Variants in HNF4G observed in about 807,000 individuals in gnomAD.
HNF4G encodes hepatocyte nuclear factor 4 gamma, also known as hepatocyte nuclear factor 4-gamma.
Under a neutral mutation model 50.9 loss-of-function variants are expected in HNF4G, and 21 were observed. The ratio of observed to expected loss-of-function variants is 0.41; its 90% CI spans 0.29 to 0.59. HNF4G has a LOEUF of 0.59. HNF4G is among the 20% of genes least tolerant of loss of function. The probability of loss-of-function intolerance (pLI) is 0.26; values close to 1 mark genes in which losing one functional copy is unlikely to be tolerated. For synonymous variants in HNF4G, 198 were observed against 185.6 expected (o/e 1.07, Z -0.54); for missense variants, 527 against 559.4 (o/e 0.94, Z 0.58).
At position 75,556,067 on chromosome 8, in the gene HNF4G, T is replaced by G. The variant is rs1288519288; in HGVS notation, c.731T>G (p.Leu244Trp). The change falls in exon 6 of 10, where the codon TTG becomes TGG. Residue 244 changes from leucine to tryptophan, a missense_variant and splice_region_variant. Physicochemically the swap from Leu to Trp is moderately conservative, Grantham distance 61. Coordinates refer to ENST00000396423, the MANE Select transcript of HNF4G (RefSeq NM_004133.5). ...ATGATGTATAAAGATATTTTGCTTT[T>G]GGGTAAGTTTTTTTTTTTTAATTTA... is the stretch of plus-strand genomic sequence containing the variant. Reference protein sequence around the residue: ...RSMMYKDILLLGNNYVIHRNS... With the variant: ...RSMMYKDILLWGNNYVIHRNS... 3 of 1,473,562 alleles carry G rather than the reference T, an allele frequency of 2.0e-6. No homozygotes were observed. The highest frequency in any genetic ancestry group is 2.3e-5 in the East Asian group (1 of 43,548). The allele number at this position is 1,473,562 out of a possible 1,614,324, so 91.3% of individuals were successfully genotyped here. A position where few individuals can be genotyped will look rare whatever the true frequency, so the allele number is the denominator to read the frequency against.
At chr8:75,543,049 A>G (rs1254231396) in intron 1 of HNF4G, among the ~76,000 whole-genome samples, 1 of 152,070 alleles carries the variant, frequency 6.6e-6, no homozygotes, top group Non-Finnish European at 1.5e-5. Context: ...TCTACTAAAA[A>G]TACAAAAATA....
intron 1 of HNF4G, among the ~76,000 whole-genome samples, chr8:75,437,494 G>A (rs899991199): frequency 6.6e-6 from 1 of 152,142 alleles, no homozygotes; most frequent in Non-Finnish European, 1.5e-5. Flanking sequence ...ATATGTCGGG[G>A]CAAGGGGCCT....
At chr8:75,408,821 G>T (rs1415537703) in intron 1 of HNF4G, among the ~76,000 whole-genome samples, 1 of 152,220 alleles carries the variant, frequency 6.6e-6, no homozygotes, top group Admixed American at 6.5e-5. Context: ...AGAGAATACA[G>T]AATCCAGAAG....
intron 2 of HNF4G, among the ~76,000 whole-genome samples, chr8:75,493,548 T>TA (rs532214865): frequency 6.6e-6 from 1 of 152,010 alleles, no homozygotes. Context: ...TTGGAAAAGT[T>TA]AAAAAAAATT....
intron 1 of HNF4G, among the ~76,000 whole-genome samples, chr8:75,472,594 A>G (rs1423836160): frequency 6.6e-6 from 1 of 152,216 alleles, no homozygotes; most frequent in African/African-American, 2.4e-5. Context: ...AATATGTATA[A>G]TCAGATTCAT....
upstream of HNF4G, among the ~76,000 whole-genome samples, chr8:75,536,045 G>A (rs760758723): frequency 1.3e-5 from 2 of 151,794 alleles, no homozygotes; most frequent in Admixed American, 6.6e-5. Flanking sequence ...TACAAATAAT[G>A]TTGTCATTCT....
At chr8:75,493,671 AGT>A (rs1243777788) in intron 2 of HNF4G, among the ~76,000 whole-genome samples, 4 of 152,138 alleles carry the variant, frequency 2.6e-5, no homozygotes, top group African/African-American at 9.6e-5. Flanking sequence ...TTTTTACAAT[AGT>A]GTTTTAAAAT....
At chr8:75,551,829 G>A (rs58744180) in intron 4 of HNF4G, among the ~76,000 whole-genome samples, 1 of 152,164 alleles carries the variant, frequency 6.6e-6, no homozygotes. Flanking sequence ...TGTACAACCA[G>A]CTACCACAAC....
At chr8:75,446,988 A>G (rs1290330227) in intron 1 of HNF4G, among the ~76,000 whole-genome samples, 2 of 146,122 alleles carry the variant, frequency 1.4e-5, no homozygotes, top group East Asian at 4.1e-4. Flanking sequence ...ATCCTAAGCC[A>G]AAAGAACAAA....
intron 1 of HNF4G, among the ~76,000 whole-genome samples, chr8:75,479,554 C>T (rs907024709): frequency 6.8e-6 from 1 of 147,198 alleles, no homozygotes; most frequent in South Asian, 2.1e-4. Context: ...ATATCATTAA[C>T]AAGATTCTAT....
chr8:75,557,365 A>C (rs1807159229), intron 6 of HNF4G, among the ~76,000 whole-genome samples: 1 of 152,188 alleles, frequency 6.6e-6, no homozygotes, highest in Non-Finnish European at 1.5e-5. Flanking sequence ...CATGCCTGTA[A>C]TCCCAGCACT....
chr8:75,477,833 G>T (rs1438788132), intron 1 of HNF4G, among the ~76,000 whole-genome samples: 1 of 152,086 alleles, frequency 6.6e-6, no homozygotes, highest in African/African-American at 2.4e-5. Flanking sequence ...CGGATGTGGT[G>T]GCACATGCCT....
intron 1 of HNF4G, among the ~76,000 whole-genome samples, chr8:75,427,462 A>C (rs966608685): frequency 1.3e-5 from 2 of 151,954 alleles, no homozygotes; most frequent in African/African-American, 4.8e-5. Context: ...CTGTAGTCCC[A>C]GCTACTTGGG....
chr8:75,441,569 A>G (rs1340556374), intron 1 of HNF4G, among the ~76,000 whole-genome samples: 1 of 152,206 alleles, frequency 6.6e-6, no homozygotes, highest in Non-Finnish European at 1.5e-5. Context: ...TTAAGTGTAC[A>G]AGAAAATATT....
intron 1 of HNF4G, among the ~76,000 whole-genome samples, chr8:75,451,410 A>G (rs1174507542): frequency 1.3e-5 from 2 of 151,896 alleles, no homozygotes; most frequent in Admixed American, 6.6e-5. Flanking sequence ...AAAAAAAATT[A>G]TTGCCCAGAG....
At chr8:75,423,282 T>G (rs1810813332) in intron 1 of HNF4G, among the ~76,000 whole-genome samples, 1 of 152,036 alleles carries the variant, frequency 6.6e-6, no homozygotes, top group Non-Finnish European at 1.5e-5. Context: ...CTTAATAACA[T>G]TTTACATTAG....
intron 1 of HNF4G, among the ~76,000 whole-genome samples, chr8:75,410,127 C>G (rs72658080): frequency 0.071 from 10,762 of 151,970 alleles, 388 homozygotes; most frequent in Middle Eastern, 0.11. Flanking sequence ...TCAGAATATT[C>G]GCTTGGATTT....
chr8:75,538,300 G>C (rs1043365650), upstream of HNF4G, among the ~76,000 whole-genome samples: 16 of 152,110 alleles, frequency 1.1e-4, no homozygotes, highest in African/African-American at 3.6e-4. Flanking sequence ...GCCTGGATCC[G>C]GTACTGTCAC....
At chr8:75,561,696 C>T (rs918904619) in intron 9 of HNF4G, among the ~76,000 whole-genome samples, 2 of 152,148 alleles carry the variant, frequency 1.3e-5, no homozygotes, top group South Asian at 2.1e-4. Flanking sequence ...TGTGAGTTAC[C>T]GTGGTAATTG....
Sources: allele counts gnomAD v4.1 joint callset (sites outside exome capture counted in the v4.1 genomes callset), GRCh38; gene constraint gnomAD v4.1.1; transcripts MANE v1.5; gene names NCBI Gene and HGNC (gene_info 2026-07-23, HGNC 2026-07-21).